Variants in NMBR observed in about 807,000 individuals in gnomAD.
NMBR encodes the protein neuromedin B receptor, also known as neuromedin-B receptor.
A neutral mutation model predicts 20.5 loss-of-function variants in NMBR; 16 were observed. The observed-to-expected ratio is 0.78, with a 90% CI of 0.53 to 1.19. The LOEUF (loss-of-function observed/expected upper bound fraction) is 1.19, where lower values mean the gene tolerates loss of function less well. Among genes scored for constraint, NMBR ranks in the 50% most tolerant of loss-of-function variants. The pLI is 0.00. For synonymous variants in NMBR, 212 were observed against 196.6 expected (o/e 1.08, Z -0.65); for missense variants, 582 against 499.1 (o/e 1.17, Z -1.58).
chr6:142,105,804 A>G (rs571929325), intron 1 of NMBR, among the ~76,000 whole-genome samples: 4 of 152,256 alleles, frequency 2.6e-5, no homozygotes, highest in African/African-American at 9.6e-5. Flanking sequence ...TTATATCACC[A>G]TTTGTAGATA....
rs981965284 is a variant in NMBR, at chr6:142,075,713, T to C, written c.1108A>G (p.Lys370Glu). ...VRMTSLKSNA[K>E]NMVTNSVLLN... ...AAAACAGAATTGGTCACCATGTTCT[T>C]AGCATTGCTTTTCAGAGATGTCATA... The change falls in exon 4 of 4, where the codon AAG becomes GAG. Residue 370 changes from lysine to glutamate, a missense_variant. By Grantham distance (56) the Lys-to-Glu change is moderately conservative. Coordinates refer to ENST00000258042, the MANE Select transcript of NMBR (RefSeq NM_002511.4). 1.9e-6 allele frequency: 3 copies of C among 1,613,982 alleles called. No homozygotes were observed. The South Asian group carries it at 3.3e-5, about 18-fold the overall frequency.
At chr6:142,129,197 A>G (rs946265584) in intron 1 of NMBR, among the ~76,000 whole-genome samples, 1 of 151,972 alleles carries the variant, frequency 6.6e-6, no homozygotes, top group Non-Finnish European at 1.5e-5. Context: ...AAGATTATAC[A>G]TTACTCCCAG....
chr6:142,090,296 T>G (rs1000436152), intron 1 of NMBR, among the ~76,000 whole-genome samples: 7 of 152,122 alleles, frequency 4.6e-5, no homozygotes, highest in African/African-American at 1.7e-4. Flanking sequence ...AGCCAAGGAC[T>G]ACCTATGATG....
At chr6:142,128,141 T>G (rs1177513089) in intron 1 of NMBR, among the ~76,000 whole-genome samples, 2 of 152,004 alleles carry the variant, frequency 1.3e-5, no homozygotes, top group African/African-American at 2.4e-5. Context: ...TTTAAAAGTG[T>G]GTAGCAGCTC....
chr6:142,113,205 A>G (rs528750875), intron 1 of NMBR, among the ~76,000 whole-genome samples: 75 of 152,238 alleles, frequency 4.9e-4, no homozygotes, highest in African/African-American at 1.7e-3. Context: ...ATGATTTAGA[A>G]TCTCTTTTAT....
At chr6:142,097,300 G>A (rs1017479410) in intron 1 of NMBR, among the ~76,000 whole-genome samples, 1 of 152,150 alleles carries the variant, frequency 6.6e-6, no homozygotes, top group Non-Finnish European at 1.5e-5. Context: ...TGTTTTTGCA[G>A]TGGCTGGTAC....
chr6:142,138,148 C>T (rs1376246521), intron 1 of NMBR, among the ~76,000 whole-genome samples: 1 of 152,090 alleles, frequency 6.6e-6, no homozygotes, highest in Non-Finnish European at 1.5e-5. Flanking sequence ...GCCTGCCTTA[C>T]CAACAATCAT....
chr6:142,115,951 G>C, intron 1 of NMBR, among the ~76,000 whole-genome samples: 1 of 151,932 alleles, frequency 6.6e-6, no homozygotes, highest in East Asian at 1.9e-4. Flanking sequence ...GAACCCGGTG[G>C]GAGGTCATTA....
intron 1 of NMBR, among the ~76,000 whole-genome samples, chr6:142,145,046 A>G (rs571968901): frequency 1.3e-5 from 2 of 151,660 alleles, no homozygotes; most frequent in African/African-American, 4.8e-5. Context: ...AAAAGAAAGA[A>G]AAAAAGAAGG....
At chr6:142,136,904 T>C (rs1778269700) in intron 1 of NMBR, among the ~76,000 whole-genome samples, 2 of 152,328 alleles carry the variant, frequency 1.3e-5, no homozygotes, top group Admixed American at 6.5e-5. Flanking sequence ...TGTAGCCTTG[T>C]AGTATAGTTT....
intron 1 of NMBR, among the ~76,000 whole-genome samples, chr6:142,130,396 G>A (rs1778118689): frequency 6.6e-6 from 1 of 151,932 alleles, no homozygotes; most frequent in Admixed American, 6.6e-5. Flanking sequence ...TAATGGTGTG[G>A]CTATAATGTC....
chr6:142,079,593 A>G (rs749467997), intron 2 of NMBR, among the ~76,000 whole-genome samples: 1 of 152,196 alleles, frequency 6.6e-6, no homozygotes, highest in Non-Finnish European at 1.5e-5. Context: ...GCTTCTGAGC[A>G]TGAGCCCCTT....
At chr6:142,077,303 A>T (rs926149209) in intron 3 of NMBR, among the ~76,000 whole-genome samples, 1 of 152,184 alleles carries the variant, frequency 6.6e-6, no homozygotes, top group Non-Finnish European at 1.5e-5. Flanking sequence ...CAGGCAGACC[A>T]AGGCCAATAA....
chr6:142,122,944 C>G (rs2114599454), intron 1 of NMBR, among the ~76,000 whole-genome samples: 1 of 152,034 alleles, frequency 6.6e-6, no homozygotes, highest in South Asian at 2.1e-4. Flanking sequence ...CCTGCTAACA[C>G]AATATCTGTT....
chr6:142,108,053 G>T (rs1777690280), intron 1 of NMBR, among the ~76,000 whole-genome samples: 2 of 151,528 alleles, frequency 1.3e-5, no homozygotes, highest in African/African-American at 4.9e-5. Flanking sequence ...AAAAAGAAAA[G>T]AAAGAAAAAT....
rs544652357 is a variant in NMBR at position 142,081,249 on chromosome 6, C to A, written c.423-2346G>T. On this transcript the variant is annotated intron_variant, in intron 2 of 3. Transcript: ENST00000258042. ...AAGGCCCACCTCTTAATGCCATCATCTTGGGGAGTAGGATTTCAACATATG... is the reference window on the plus strand; with the variant it reads ...AAGGCCCACCTCTTAATGCCATCATATTGGGGAGTAGGATTTCAACATATG... 3.2e-3 allele frequency among the ~76,000 whole-genome samples: 485 copies of A among 152,252 alleles called. 4 individuals are homozygous for A. Among genetic ancestry groups the A allele is most frequent in the African/African-American group, 0.011 (472 of 41,544 alleles).
At chr6:142,078,525 ACACCAC>A (rs1319364657) in intron 3 of NMBR, 24 bp downstream of exon 3, 1 of 1,294,236 alleles carries the variant, frequency 7.7e-7, no homozygotes, top group Non-Finnish European at 1.1e-6. Flanking sequence ...TTCTGACCAC[ACACCAC>A]CAACCCACGC....
intron 1 of NMBR, among the ~76,000 whole-genome samples, chr6:142,139,623 A>G (rs899203126): frequency 1.3e-5 from 2 of 152,176 alleles, no homozygotes; most frequent in African/African-American, 4.8e-5. Flanking sequence ...AAGCCACCAA[A>G]GAAACTTTGC....
intron 1 of NMBR, among the ~76,000 whole-genome samples, chr6:142,102,443 A>AT (rs1777582710): frequency 6.6e-6 from 1 of 151,804 alleles, no homozygotes; most frequent in Non-Finnish European, 1.5e-5. Flanking sequence ...CTGTTCATTG[A>AT]TCCCCTACAA....
Sources: allele counts gnomAD v4.1 joint callset (sites outside exome capture counted in the v4.1 genomes callset), GRCh38; gene constraint gnomAD v4.1.1; transcripts MANE v1.5; gene names NCBI Gene and HGNC (gene_info 2026-07-23, HGNC 2026-07-21).